The following MORC1 variants were observed in gnomAD, a reference collection of about 807,000 sequenced individuals.
MORC1 encodes the protein MORC family CW-type zinc finger 1.
Under a neutral mutation model 134.9 loss-of-function variants are expected in MORC1, and 59 were observed. That is an observed-to-expected ratio of 0.44 (90% CI 0.35 to 0.54). The LOEUF is 0.54. Among genes scored for constraint, MORC1 ranks in the 20% least tolerant of loss-of-function variants. The pLI, the probability that MORC1 is intolerant of heterozygous loss-of-function variation, is 0.00. For synonymous variants in MORC1, 395 were observed against 391.7 expected, an observed-to-expected ratio of 1.01 and a Z score of -0.10; for missense variants, 947 against 1,134.5, an observed-to-expected ratio of 0.83 and a Z score of 2.37.
intron 14 of MORC1, 71 bp downstream of exon 14, chr3:109,054,657 T>C (rs1413871619): frequency 5.4e-6 from 7 of 1,298,062 alleles, no homozygotes; most frequent in South Asian, 4.2e-5. Context: ...CAGATAATCA[T>C]GTCAGCTTAA....
At chr3:109,019,785 C>T (rs1365194747) in intron 17 of MORC1, among the ~76,000 whole-genome samples, 1 of 152,206 alleles carries the variant, frequency 6.6e-6, no homozygotes, top group Non-Finnish European at 1.5e-5. Flanking sequence ...CATTTCACCC[C>T]TCCATTCATC....
intron 17 of MORC1, among the ~76,000 whole-genome samples, chr3:109,012,827 T>G (rs1012065864): frequency 1.3e-5 from 2 of 152,200 alleles, no homozygotes; most frequent in Non-Finnish European, 2.9e-5. Flanking sequence ...GTTTTCTACA[T>G]AAACTATCAA....
At chr3:108,986,363 A>C (rs1415590311) in intron 22 of MORC1, among the ~76,000 whole-genome samples, 3 of 152,192 alleles carry the variant, frequency 2.0e-5, no homozygotes, top group Admixed American at 6.5e-5. Context: ...ATCAGATGGA[A>C]ACTTCATGCC....
chr3:109,063,699 T>C (rs1950133461), intron 9 of MORC1, among the ~76,000 whole-genome samples: 1 of 152,210 alleles, frequency 6.6e-6, no homozygotes, highest in South Asian at 2.1e-4. Context: ...GCACATTTTC[T>C]GCTTTACTGA....
intron 16 of MORC1, among the ~76,000 whole-genome samples, chr3:109,030,847 T>C (rs1949225403): frequency 6.6e-6 from 1 of 152,154 alleles, no homozygotes; most frequent in African/African-American, 2.4e-5. Context: ...TTTGAAACAT[T>C]CTAACACAAA....
chr3:109,062,723 C>A lies in MORC1; in HGVS notation c.895+429G>T, dbSNP rs1950111877. ...AGTGCAGGGATCTAAAATGACCTAA[C>A]ACAGTGCTATGACAAGCAGGGTTTC... On this transcript the variant is annotated intron_variant, in intron 10 of 27. Coordinates refer to ENST00000232603, the MANE Select transcript of MORC1 (RefSeq NM_014429.4). 2.0e-5 allele frequency among the ~76,000 whole-genome samples: 3 copies of A among 152,236 alleles called. No homozygotes were observed. The South Asian group carries it at 6.2e-4, about 32-fold the overall frequency.
At chr3:109,081,576 C>T (rs1012714563) in intron 8 of MORC1, among the ~76,000 whole-genome samples, 1 of 151,874 alleles carries the variant, frequency 6.6e-6, no homozygotes, top group Admixed American at 6.6e-5. Flanking sequence ...CCACCTCAGC[C>T]TCTGAATAGC....
At chr3:109,100,093 A>C (rs1322464153) in intron 5 of MORC1, among the ~76,000 whole-genome samples, 2 of 152,140 alleles carry the variant, frequency 1.3e-5, no homozygotes, top group Non-Finnish European at 2.9e-5. Context: ...AAATACAAAA[A>C]TTAGCTGAGC....
intron 14 of MORC1, among the ~76,000 whole-genome samples, chr3:109,045,852 G>C (rs1949683428): frequency 6.6e-6 from 1 of 152,114 alleles, no homozygotes; most frequent in African/African-American, 2.4e-5. Context: ...GTAGTCTGCA[G>C]CTGGCCCAAT....
Position 109,005,251 on chromosome 3 carries a change from G to A in MORC1, c.1832C>T (p.Ser611Phe). The change falls in exon 19 of 28, where the codon TCC becomes TTC. Residue 611 changes from serine to phenylalanine, a missense_variant. Ser to Phe is a radical substitution (Grantham distance 155). Transcript: ENST00000232603. ...TCTACGGCTCGCTGAAAGCTCAAAG[G>A]ATGAAAGAGATTCATGCTTCAAGTC... ...GDDLKHESLS[S>F]FELSASRRGQ... 6.2e-7 allele frequency: 1 copy of A among 1,613,526 alleles called. No individual in the cohort carries two copies. Among genetic ancestry groups the A allele is most frequent in the Non-Finnish European group, 8.5e-7 (1 of 1,179,776 alleles).
At chr3:109,050,582 G>A (rs1014308273) in intron 14 of MORC1, among the ~76,000 whole-genome samples, 5 of 152,148 alleles carry the variant, frequency 3.3e-5, no homozygotes, top group African/African-American at 1.2e-4. Context: ...TTGCAGGAGA[G>A]ACATAAACAT....
intron 3 of MORC1, among the ~76,000 whole-genome samples, chr3:109,107,420 T>G (rs562836757): frequency 6.6e-6 from 1 of 152,290 alleles, no homozygotes; most frequent in East Asian, 1.9e-4. Flanking sequence ...TTTCATGGGC[T>G]CCACACTAAA....
rs1012403505 is a variant in MORC1, at chr3:109,118,049, C to G, written c.11G>C (p.Arg4Thr). The change falls in exon 1 of 28, where the codon AGG becomes ACG. Residue 4 changes from arginine to threonine, a missense_variant. Transcript: ENST00000232603. MDD[R>T]YPALQRAQLR... ...CTGGGCCCGCTGAAGCGCAGGGTAC[C>G]TGTCGTCCATGCCCTCGAACACGAC... 6.2e-7 allele frequency: 1 copy of G among 1,609,334 alleles called. No individual in the cohort carries two copies.
At chr3:108,989,265 T>C (rs1299660929) in intron 21 of MORC1, among the ~76,000 whole-genome samples, 1 of 152,242 alleles carries the variant, frequency 6.6e-6, no homozygotes. Context: ...GGCTTAACTG[T>C]GTCTCATATT....
chr3:108,977,458 C>A (rs866263091), intron 24 of MORC1, among the ~76,000 whole-genome samples: 17 of 152,052 alleles, frequency 1.1e-4, no homozygotes, highest in African/African-American at 2.9e-4. Flanking sequence ...TTCAAGCAAT[C>A]CTCCCACCTT....
chr3:109,045,560 G>C (rs987580487), intron 14 of MORC1, among the ~76,000 whole-genome samples: 3 of 152,170 alleles, frequency 2.0e-5, no homozygotes, highest in African/African-American at 7.2e-5. Context: ...TTAGTGTGTG[G>C]TGCAAGGGTA....
rs113629397 is a variant in MORC1, at chr3:109,007,941, ATGTG to A, written c.1705-854_1705-851del. On this transcript the variant is annotated intron_variant, in intron 17 of 27. Transcript: ENST00000232603. ...ATATAGCATATATAAGCACATATATATGTGTGTGTGTGTGTGTGTGTGTATACAT... is the reference window on the plus strand; with the variant it reads ...ATATAGCATATATAAGCACATATATATGTGTGTGTGTGTGTGTGTATACAT... Among the ~76,000 whole-genome samples the A allele has an allele frequency of 1.8e-3, 272 of 149,612 alleles. 1 individual carries two copies. Among genetic ancestry groups the A allele is most frequent in the African/African-American group, 5.7e-3 (234 of 40,780 alleles).
chr3:109,055,015 T>A, intron 13 of MORC1, 133 bp from the exon 14 acceptor site: 1 of 793,860 alleles, frequency 1.3e-6, no homozygotes, highest in African/African-American at 1.8e-5. Flanking sequence ...TGTCAAAGTT[T>A]AACAAGTTAG....
At chr3:108,984,833 C>A (rs746547787) in intron 22 of MORC1, 51 bp from the exon 23 acceptor site, 21 of 1,453,462 alleles carry the variant, frequency 1.4e-5, no homozygotes, top group Non-Finnish European at 1.9e-5. Flanking sequence ...ACACAATAAA[C>A]TGAACCAAAA....
Sources: gnomAD v4.1 joint callset for allele counts (sites outside exome capture counted in the v4.1 genomes callset) on GRCh38, gnomAD v4.1.1 for gene constraint, MANE v1.5 for transcripts, NCBI Gene and HGNC (gene_info 2026-07-23, HGNC 2026-07-21) for gene names.